NOL4: variants seen among roughly 807,000 people sequenced by gnomAD.
NOL4 encodes the protein cancer/testis antigen 125.
NOL4 carries 17 observed loss-of-function variants against 75.9 expected under a neutral mutation model. The ratio of observed to expected loss-of-function variants is 0.22; its 90% CI spans 0.15 to 0.34. NOL4 has a LOEUF of 0.34. NOL4 is among the 10% of genes least tolerant of loss of function. NOL4 has a pLI of 1.00. For synonymous variants in NOL4, 292 were observed against 289.9 expected, an observed-to-expected ratio of 1.01 and a Z score of -0.07; for missense variants, 614 against 793.5, an observed-to-expected ratio of 0.77 and a Z score of 2.72.
intron 10 of NOL4, among the ~76,000 whole-genome samples, chr18:33,861,419 T>C (rs1248563705): frequency 6.6e-6 from 1 of 152,216 alleles, no homozygotes; most frequent in African/African-American, 2.4e-5. Flanking sequence ...AGTTTATTTG[T>C]GTAGAGGTGT....
intron 2 of NOL4, among the ~76,000 whole-genome samples, chr18:34,111,580 T>C (rs2079590936): frequency 1.3e-5 from 2 of 152,158 alleles, no homozygotes; most frequent in South Asian, 4.2e-4. Flanking sequence ...CTTCCTAGGT[T>C]CCATAACTAT....
At chr18:34,064,923 AC>A (rs2077206639) in intron 5 of NOL4, among the ~76,000 whole-genome samples, 2 of 30,782 alleles carry the variant, frequency 6.5e-5, no homozygotes, top group Non-Finnish European at 8.7e-5. Flanking sequence ...TTTTTAACAC[AC>A]ACACACACAC....
At chr18:34,152,892 T>C (rs541877633) in intron 1 of NOL4, among the ~76,000 whole-genome samples, 16 of 151,982 alleles carry the variant, frequency 1.1e-4, no homozygotes, top group African/African-American at 3.9e-4. Context: ...AGAAGTGCAA[T>C]TTATTTTTAA....
At chr18:34,008,671 A>G (rs1025658807) in intron 6 of NOL4, among the ~76,000 whole-genome samples, 4 of 151,956 alleles carry the variant, frequency 2.6e-5, no homozygotes, top group African/African-American at 7.2e-5. Flanking sequence ...CCATGATGCA[A>G]TCCTCCTTAA....
intron 6 of NOL4, among the ~76,000 whole-genome samples, chr18:33,980,148 C>G (rs988375443): frequency 1.1e-4 from 16 of 152,082 alleles, no homozygotes; most frequent in African/African-American, 3.9e-4. Flanking sequence ...AAAAATCAGA[C>G]AGACAAACAG....
intron 2 of NOL4, among the ~76,000 whole-genome samples, chr18:34,108,806 G>A (rs1427407611): frequency 6.6e-6 from 1 of 152,022 alleles, no homozygotes; most frequent in Non-Finnish European, 1.5e-5. Context: ...AAATGAATAA[G>A]GAAACAGCAG....
At chr18:33,905,237 G>A (rs1481740932) in intron 9 of NOL4, among the ~76,000 whole-genome samples, 1 of 152,162 alleles carries the variant, frequency 6.6e-6, no homozygotes, top group Non-Finnish European at 1.5e-5. Context: ...TCCCACAGAT[G>A]TGGTCTCACA....
chr18:34,155,529 T>C (rs902800418), intron 1 of NOL4, among the ~76,000 whole-genome samples: 15 of 152,156 alleles, frequency 9.9e-5, no homozygotes, highest in African/African-American at 3.6e-4. Context: ...TGCACAAACA[T>C]AGATGGCATA....
chr18:34,070,893 G>GTA (rs2077484999), intron 5 of NOL4, among the ~76,000 whole-genome samples: 1 of 152,084 alleles, frequency 6.6e-6, no homozygotes, highest in Non-Finnish European at 1.5e-5. Flanking sequence ...ATGAACAAGT[G>GTA]TAATATATAA....
intron 9 of NOL4, among the ~76,000 whole-genome samples, chr18:33,892,444 A>T (rs2065147346): frequency 6.6e-6 from 1 of 152,226 alleles, no homozygotes; most frequent in Middle Eastern, 3.4e-3. Context: ...ATGTAAATAA[A>T]TAATAAATAA....
intron 9 of NOL4, among the ~76,000 whole-genome samples, chr18:33,919,610 T>A (rs1044792430): frequency 3.3e-5 from 5 of 152,182 alleles, no homozygotes; most frequent in African/African-American, 1.2e-4. Context: ...ACGGAAGATA[T>A]AATTTAAGGC....
intron 1 of NOL4, among the ~76,000 whole-genome samples, chr18:34,189,518 TAA>T (rs1332929128): frequency 6.6e-6 from 1 of 152,090 alleles, no homozygotes; most frequent in South Asian, 2.1e-4. Flanking sequence ...GTTTACTATA[TAA>T]GAGGCCCTAT....
At chr18:33,883,070 G>T (rs570648688) in intron 10 of NOL4, among the ~76,000 whole-genome samples, 174 bp downstream of exon 10, 11 of 152,102 alleles carry the variant, frequency 7.2e-5, no homozygotes, top group South Asian at 4.1e-4. Flanking sequence ...GTGGAGGGAG[G>T]GGGGAGCGAT....
intron 1 of NOL4, chr18:34,221,894 C>A: frequency 2.8e-6 from 2 of 708,146 alleles, no homozygotes. Context: ...AGGAATACTG[C>A]ACCGGGAAAC....
intron 6 of NOL4, among the ~76,000 whole-genome samples, chr18:33,968,133 G>A (rs150108691): frequency 1.3e-4 from 20 of 151,768 alleles, no homozygotes; most frequent in African/African-American, 2.7e-4. Flanking sequence ...AAAAAATAGC[G>A]GATTCTGACG....
chr18:34,113,666 G>A (rs759406054), intron 2 of NOL4, among the ~76,000 whole-genome samples: 8 of 151,906 alleles, frequency 5.3e-5, no homozygotes, highest in Non-Finnish European at 1.2e-4. Context: ...ACAGTGTCCT[G>A]TCTTTGGAAA....
chr18:33,965,581 A>T (rs2070517516), intron 6 of NOL4, among the ~76,000 whole-genome samples: 1 of 152,162 alleles, frequency 6.6e-6, no homozygotes, highest in African/African-American at 2.4e-5. Context: ...AGTGGGAGGT[A>T]GTTTAACCAT....
chr18:34,063,971 G>A (rs1268324796), intron 5 of NOL4, among the ~76,000 whole-genome samples: 6 of 151,994 alleles, frequency 3.9e-5, no homozygotes, highest in Non-Finnish European at 8.8e-5. Flanking sequence ...TATTTATGAA[G>A]TTGGAAGCTG....
At chr18:33,947,947 G>A (rs2068952400) in intron 8 of NOL4, among the ~76,000 whole-genome samples, 1 of 151,874 alleles carries the variant, frequency 6.6e-6, no homozygotes, top group Admixed American at 6.6e-5. Flanking sequence ...TCTTATATAT[G>A]TTGATAAAAT....
Sources: allele counts gnomAD v4.1 joint callset (sites outside exome capture counted in the v4.1 genomes callset), GRCh38; gene constraint gnomAD v4.1.1; transcripts MANE v1.5; gene names NCBI Gene and HGNC (gene_info 2026-07-23, HGNC 2026-07-21).